RAI1: variants seen among roughly 807,000 people sequenced by gnomAD.
RAI1 encodes the protein retinoic acid induced 1, also known as retinoic acid-induced protein 1.
RAI1 carries 9 observed loss-of-function variants against 123.8 expected under a neutral mutation model. The observed-to-expected ratio is 0.07, with a 90% CI of 0.04 to 0.13. The LOEUF is 0.13. Ranked by LOEUF, RAI1 falls within the 10% of genes least tolerant of loss-of-function variation. The pLI is 1.00. For synonymous variants in RAI1, 1,231 were observed against 1,127.3 expected, an observed-to-expected ratio of 1.09 and a Z score of -1.84; for missense variants, 2,256 against 2,545.8, an observed-to-expected ratio of 0.89 and a Z score of 2.45.
intron 4 of RAI1, among the ~76,000 whole-genome samples, chr17:17,805,156 C>T (rs557388570): frequency 5.6e-4 from 85 of 152,276 alleles, no homozygotes; most frequent in African/African-American, 1.8e-3. Context: ...CCACTGTGCC[C>T]GGCCCCTAGT....
chr17:17,700,899 G>C (rs1567831315), intron 1 of RAI1, among the ~76,000 whole-genome samples: 1 of 152,206 alleles, frequency 6.6e-6, no homozygotes, highest in Non-Finnish European at 1.5e-5. Flanking sequence ...GTGCCACCCT[G>C]CTCTGCACGA....
intron 2 of RAI1, among the ~76,000 whole-genome samples, chr17:17,728,982 C>T (rs1443595770): frequency 1.3e-5 from 2 of 152,172 alleles, no homozygotes; most frequent in Non-Finnish European, 1.5e-5. Flanking sequence ...GAGGTCCGAG[C>T]AGCACAGGGC....
chr17:17,747,711 G>T (rs1250867636), intron 2 of RAI1, among the ~76,000 whole-genome samples: 1 of 152,172 alleles, frequency 6.6e-6, no homozygotes, highest in African/African-American at 2.4e-5. Flanking sequence ...GGAGTGCTTG[G>T]TAGGTCCAGG....
rs1044595743 is a variant in RAI1 at position 17,810,010 on chromosome 17, C to T, written c.*29C>T. The T allele has an allele frequency of 1.9e-6, 3 of 1,544,388 alleles. No individual in the cohort carries two copies. Among genetic ancestry groups the T allele is most frequent in the Non-Finnish European group, 2.6e-6 (3 of 1,145,248 alleles). On this transcript the variant is annotated 3_prime_UTR_variant, in exon 6 of 6. Transcript: ENST00000353383. The surrounding 1 kb of genome is among the most constrained non-coding windows in gnomAD (Gnocchi z 4.6). ...TCCACCCCAACGGCCGGAGGAGCCG[C>T]CGGAGCCCGCCTGCCCGCCCGCCGC...
chr17:17,749,783 T>C (rs1341353138), intron 2 of RAI1, among the ~76,000 whole-genome samples: 1 of 152,198 alleles, frequency 6.6e-6, no homozygotes, highest in Non-Finnish European at 1.5e-5. Flanking sequence ...TCCATGAAAG[T>C]GGGGAGTTCC....
At chr17:17,723,648 T>G in intron 1 of RAI1, among the ~76,000 whole-genome samples, 1 of 106,776 alleles carries the variant, frequency 9.4e-6, no homozygotes, top group South Asian at 3.4e-4. Flanking sequence ...TCCCGCTCCC[T>G]TCCCGAGCTC....
chr17:17,782,398 G>T (rs902985332), intron 2 of RAI1, among the ~76,000 whole-genome samples: 2 of 151,774 alleles, frequency 1.3e-5, no homozygotes, highest in African/African-American at 4.8e-5. Context: ...GGCAGAGCGG[G>T]ATTCCCCCTC....
chr17:17,730,530 C>T (rs763891155), intron 2 of RAI1, among the ~76,000 whole-genome samples: 10 of 152,256 alleles, frequency 6.6e-5, no homozygotes, highest in Non-Finnish European at 1.0e-4. Flanking sequence ...CATGACACTT[C>T]CTGGTCTGTA....
chr17:17,742,070 C>G (rs1211460371), intron 2 of RAI1, among the ~76,000 whole-genome samples: 1 of 152,274 alleles, frequency 6.6e-6, no homozygotes, highest in African/African-American at 2.4e-5. Context: ...GTCAGTGTCT[C>G]TTGTGGAGAC....
Position 17,799,956 on chromosome 17 carries a change from C to T in RAI1, c.5565+1443C>T, listed in dbSNP as rs997713654. On this transcript the variant is annotated intron_variant, in intron 3 of 5. Coordinates refer to ENST00000353383, the MANE Select transcript of RAI1 (RefSeq NM_030665.4). The surrounding 1 kb of genome is among the most constrained non-coding windows in gnomAD (Gnocchi z 4.5). ...TCCTAGTGTGTGTCTTGGGCACCTG[C>T]TTCCCACTGCCCATGGGGATGGCTG... 1.3e-5 allele frequency among the ~76,000 whole-genome samples: 2 copies of T among 152,312 alleles called. No homozygotes were observed. The highest frequency in any genetic ancestry group is 3.9e-4 in the East Asian group (2 of 5,176).
chr17:17,723,208 A>G (rs1915944239), intron 1 of RAI1, among the ~76,000 whole-genome samples: 1 of 151,910 alleles, frequency 6.6e-6, no homozygotes. Flanking sequence ...CACAGGCGCA[A>G]TCCCACCCAC....
chr17:17,809,082 G>A lies in RAI1; in HGVS notation c.5660-308G>A. 2.1e-6 allele frequency: 1 copy of A among 474,354 alleles called. No homozygotes were observed. The highest frequency in any genetic ancestry group is 3.9e-6 in the Non-Finnish European group (1 of 255,912). 29.4% of individuals were successfully genotyped at this position (474,354 alleles called of 1,614,324 possible). The stretch of plus-strand genomic sequence containing the variant: ...GTGACAAGTGTGGCTGGCAGAGTAA[G>A]GCGGGAGGGAGGGAGGGACTGAGGG... On this transcript the variant is annotated intron_variant, in intron 4 of 5. Transcript: ENST00000353383. The surrounding 1 kb of genome is among the most constrained non-coding windows in gnomAD (Gnocchi z 4.9).
At chr17:17,683,368 G>T (rs896763474) in intron 1 of RAI1, among the ~76,000 whole-genome samples, 3 of 152,064 alleles carry the variant, frequency 2.0e-5, no homozygotes, top group African/African-American at 7.2e-5. Flanking sequence ...TACAGTCCTC[G>T]CTCTGCTCAG....
chr17:17,689,673 C>G (rs1914770968), intron 1 of RAI1, among the ~76,000 whole-genome samples: 2 of 152,294 alleles, frequency 1.3e-5, no homozygotes, highest in Admixed American at 6.5e-5. Context: ...CAGGGTCTAC[C>G]ACTTGCGAAC....
In RAI1 at chr17:17,719,940, A is replaced by C. The variant is rs1433960931; in HGVS notation, c.-148-4088A>C. 2.0e-5 allele frequency among the ~76,000 whole-genome samples: 3 copies of C among 152,306 alleles called. No homozygotes were observed. In the East Asian group the frequency reaches 5.8e-4, roughly 29 times the overall value. ...TAAAACCTGGCCCACATCTGACCTCAGGCCTGCAGGCTTCCAGCGTGAGGC... is the reference window on the plus strand; with the variant it reads ...TAAAACCTGGCCCACATCTGACCTCCGGCCTGCAGGCTTCCAGCGTGAGGC... On this transcript the variant is annotated intron_variant, in intron 1 of 5. Transcript: ENST00000353383.
chr17:17,797,930 G>A lies in RAI1; in HGVS notation c.4982G>A (p.Arg1661Gln), dbSNP rs1428571884. The A allele has an allele frequency of 3.1e-6, 5 of 1,613,858 alleles. No homozygotes were observed. The highest frequency in any genetic ancestry group is 2.7e-5 in the African/African-American group (2 of 74,866). ...CCTGGAGGCTCCATCCTGCAGCCGC[G>A]GCCCTCCTTGCCCCTCTCCTCCACG... The part of the protein sequence containing the change: ...TLPGGSILQP[R>Q]PSLPLSSTMH... The change falls in exon 3 of 6, where the codon CGG becomes CAG. Residue 1661 changes from arginine to glutamine, a missense_variant. By Grantham distance (43) the Arg-to-Gln change is conservative. This residue lies in a region of RAI1 where 410 missense variants were observed against 374.6 expected (regional missense o/e 1.09). Transcript: ENST00000353383.
intron 3 of RAI1, among the ~76,000 whole-genome samples, chr17:17,802,891 C>G (rs1374830326): frequency 6.6e-6 from 1 of 151,984 alleles, no homozygotes; most frequent in East Asian, 1.9e-4. Flanking sequence ...CGAGACCAGC[C>G]TGGCCGACAC....
intron 2 of RAI1, among the ~76,000 whole-genome samples, chr17:17,787,043 A>G (rs1044491166): frequency 6.6e-6 from 1 of 152,248 alleles, no homozygotes; most frequent in Non-Finnish European, 1.5e-5. Flanking sequence ...CTCTGTCTCA[A>G]AAAAACAAAC....
At chr17:17,773,641 ATG>A (rs1295710551) in intron 2 of RAI1, among the ~76,000 whole-genome samples, 1 of 152,202 alleles carries the variant, frequency 6.6e-6, no homozygotes, top group Non-Finnish European at 1.5e-5. Context: ...AAAAAATGCA[ATG>A]TGACAGGGAA....
Sources: allele counts gnomAD v4.1 joint callset (sites outside exome capture counted in the v4.1 genomes callset), GRCh38; gene constraint gnomAD v4.1.1; regional missense constraint gnomAD v4.1.1; non-coding constraint Gnocchi (gnomAD v3.1); transcripts MANE v1.5; gene names NCBI Gene and HGNC (gene_info 2026-07-23, HGNC 2026-07-21).